RASSF3: variants seen among roughly 807,000 people sequenced by gnomAD.
RASSF3 encodes Ras association domain family member 3.
In RASSF3, 19 loss-of-function variants were observed where a neutral mutation model predicts 19.9. That is an observed-to-expected ratio of 0.96 (90% CI 0.67 to 1.40). RASSF3 has a LOEUF of 1.40. Among genes scored for constraint, RASSF3 ranks in the 40% most tolerant of loss-of-function variants. The pLI, the probability that RASSF3 is intolerant of heterozygous loss-of-function variation, is 0.00. For synonymous variants in RASSF3, 110 were observed against 104.2 expected (o/e 1.06, Z -0.34); for missense variants, 306 against 289.8 (o/e 1.06, Z -0.41).
At position 64,629,377 on chromosome 12, in the gene RASSF3, G is replaced by A. The variant is rs1050924848; in HGVS notation, c.111+18634G>A. ...TCTGCCTTGACCTCCCAAAGTGCTG[G>A]GATTATAGGCATGAGCCACTGCGCC... On this transcript the variant is annotated intron_variant, in intron 1 of 4. Transcript: ENST00000542104. Among the ~76,000 whole-genome samples, 4 of 151,914 alleles carry A rather than the reference G, an allele frequency of 2.6e-5. No individual in the cohort carries two copies. The South Asian group carries it at 8.3e-4, about 32-fold the overall frequency.
intron 2 of RASSF3, among the ~76,000 whole-genome samples, chr12:64,685,589 G>A (rs539047294): frequency 6.6e-6 from 1 of 152,258 alleles, no homozygotes; most frequent in Admixed American, 6.5e-5. Context: ...AAAGGATTTT[G>A]AGCCCATGGA....
chr12:64,517,591 GT>G, intron 1 of RASSF3, among the ~76,000 whole-genome samples: 1 of 151,618 alleles, frequency 6.6e-6, no homozygotes, highest in African/African-American at 2.4e-5. Context: ...AGAAAAGTAG[GT>G]ATACTGTACA....
At chr12:64,577,019 TGTCTA>T (rs960407751) in intron 2 of RASSF3, among the ~76,000 whole-genome samples, 2 of 152,152 alleles carry the variant, frequency 1.3e-5, no homozygotes, top group African/African-American at 2.4e-5. Context: ...AAAAAATAGT[TGTCTA>T]GGGTAGCAAG....
intron 1 of RASSF3, among the ~76,000 whole-genome samples, chr12:64,535,995 C>CTTTTTT (rs11312626): frequency 9.6e-6 from 1 of 104,500 alleles, no homozygotes. Flanking sequence ...CCTGTTTTCA[C>CTTTTTT]TTTTTTTTTT....
chr12:64,648,123 T>C (rs981876825), intron 1 of RASSF3, among the ~76,000 whole-genome samples: 3 of 152,190 alleles, frequency 2.0e-5, no homozygotes, highest in Non-Finnish European at 4.4e-5. Flanking sequence ...TGGGTGGAGA[T>C]AGAATTTGTG....
chr12:64,522,581 T>C (rs1016335802), intron 1 of RASSF3, among the ~76,000 whole-genome samples: 1 of 152,204 alleles, frequency 6.6e-6, no homozygotes, highest in Admixed American at 6.5e-5. Context: ...GGATTGCAGC[T>C]ACCAGATTGT....
intron 1 of RASSF3, among the ~76,000 whole-genome samples, chr12:64,676,451 G>A (rs1478283366): frequency 6.9e-6 from 1 of 145,778 alleles, no homozygotes; most frequent in African/African-American, 2.5e-5. Context: ...TTACAGGTGT[G>A]AGCCACTGTG....
intron 1 of RASSF3, among the ~76,000 whole-genome samples, chr12:64,684,050 T>C (rs1440743658): frequency 6.8e-6 from 1 of 146,002 alleles, no homozygotes; most frequent in Non-Finnish European, 1.5e-5. Flanking sequence ...CAAGGTAACA[T>C]GCAAGAACAA....
intron 1 of RASSF3, among the ~76,000 whole-genome samples, chr12:64,630,312 G>C (rs2136172342): frequency 6.6e-6 from 1 of 152,280 alleles, no homozygotes; most frequent in East Asian, 1.9e-4. Flanking sequence ...GATTGTTTAA[G>C]CCCAGGAGTT....
At chr12:64,601,163 C>T (rs1392022190) in intron 2 of RASSF3, among the ~76,000 whole-genome samples, 3 of 152,048 alleles carry the variant, frequency 2.0e-5, no homozygotes. Context: ...GTGACACACG[C>T]CTGTAGTCCC....
At chr12:64,625,057 G>T (rs997368766) in intron 1 of RASSF3, among the ~76,000 whole-genome samples, 2 of 152,062 alleles carry the variant, frequency 1.3e-5, no homozygotes, top group Non-Finnish European at 2.9e-5. Flanking sequence ...ACTGACAGTG[G>T]TTGAGAGATT....
upstream of RASSF3, among the ~76,000 whole-genome samples, chr12:64,605,627 C>T (rs891706833): frequency 5.3e-5 from 8 of 152,042 alleles, no homozygotes; most frequent in South Asian, 2.1e-4. Flanking sequence ...TGGTGGCTCA[C>T]GCCTGTAATT....
intron 1 of RASSF3, among the ~76,000 whole-genome samples, chr12:64,613,703 T>C (rs1386796584): frequency 6.6e-6 from 1 of 152,108 alleles, no homozygotes; most frequent in Non-Finnish European, 1.5e-5. Context: ...TCCAGCACTT[T>C]GGGAGGCTGA....
At chr12:64,666,895 T>A (rs1454355093) in intron 1 of RASSF3, among the ~76,000 whole-genome samples, 1 of 152,242 alleles carries the variant, frequency 6.6e-6, no homozygotes, top group African/African-American at 2.4e-5. Context: ...TATTTTTTGT[T>A]GGCAGTGTCT....
At chr12:64,586,870 C>T (rs1462138842) in intron 2 of RASSF3, among the ~76,000 whole-genome samples, 1 of 151,402 alleles carries the variant, frequency 6.6e-6, no homozygotes, top group East Asian at 2.0e-4. Flanking sequence ...TTGCAGTAAG[C>T]GGAGATCATG....
intron 1 of RASSF3, among the ~76,000 whole-genome samples, chr12:64,631,937 T>G (rs1871182942): frequency 6.6e-6 from 1 of 152,040 alleles, no homozygotes; most frequent in Admixed American, 6.6e-5. Flanking sequence ...GTCAGGGGAG[T>G]GAGGATCATT....
At position 64,540,099 on chromosome 12, in the gene RASSF3, C is replaced by A. The variant is rs554028372; in HGVS notation, c.68-1482C>A. ...ACTGCCTGTTTTATCTGAAGCTTAACCCTGTGTTATAATTTTAGAAACAAT... is the reference window on the plus strand; with the variant it reads ...ACTGCCTGTTTTATCTGAAGCTTAAACCTGTGTTATAATTTTAGAAACAAT... On this transcript the variant is annotated intron_variant, in intron 1 of 1. Transcript: ENST00000636333. Among the ~76,000 whole-genome samples the A allele has an allele frequency of 3.3e-5, 5 of 152,184 alleles. 1 individual carries two copies. The highest frequency in any genetic ancestry group is 1.9e-4 in the East Asian group (1 of 5,178).
At chr12:64,540,492 A>G (rs1490758854) in intron 1 of RASSF3, among the ~76,000 whole-genome samples, 1 of 152,238 alleles carries the variant, frequency 6.6e-6, no homozygotes, top group East Asian at 1.9e-4. Flanking sequence ...AAACTTGTCC[A>G]TGAATGTTTG....
At chr12:64,619,926 G>C (rs1257001487) in intron 1 of RASSF3, among the ~76,000 whole-genome samples, 1 of 150,670 alleles carries the variant, frequency 6.6e-6, no homozygotes. Context: ...GTTGTGGTGA[G>C]CCGAGATTGC....
Sources: gnomAD v4.1 joint callset for allele counts (sites outside exome capture counted in the v4.1 genomes callset) on GRCh38, gnomAD v4.1.1 for gene constraint, MANE v1.5 for transcripts, NCBI Gene and HGNC (gene_info 2026-07-23, HGNC 2026-07-21) for gene names.